The following TRIO variants were observed in gnomAD, a reference collection of about 807,000 sequenced individuals.
TRIO encodes triple functional domain protein.
TRIO carries 58 observed loss-of-function variants against 351.9 expected under a neutral mutation model. The observed-to-expected ratio is 0.16, with a 90% confidence interval of 0.13 to 0.21. The LOEUF is 0.21. Among genes scored for constraint, TRIO ranks in the 10% least tolerant of loss-of-function variants. The pLI, the probability that TRIO is intolerant of heterozygous loss-of-function variation, is 1.00. For synonymous variants in TRIO, 1,758 were observed against 1,595.7 expected, an observed-to-expected ratio of 1.10 and a Z score of -2.42; for missense variants, 3,201 against 4,027.8, an observed-to-expected ratio of 0.79 and a Z score of 5.56.
At chr5:14,443,250 C>A (rs991456881) in intron 34 of TRIO, among the ~76,000 whole-genome samples, 7 of 151,948 alleles carry the variant, frequency 4.6e-5, no homozygotes, top group African/African-American at 1.7e-4. Flanking sequence ...AATTGATGAC[C>A]CGTGTGGAAT....
At chr5:14,282,010 A>T (rs1419291164) in intron 3 of TRIO, among the ~76,000 whole-genome samples, 1 of 152,210 alleles carries the variant, frequency 6.6e-6, no homozygotes, top group Non-Finnish European at 1.5e-5. Flanking sequence ...GCTGTGGCTG[A>T]TGGCAATCAG....
chr5:14,474,820 G>A (rs770067977), intron 40 of TRIO, among the ~76,000 whole-genome samples: 7 of 152,080 alleles, frequency 4.6e-5, no homozygotes, highest in South Asian at 2.1e-4. Context: ...CTACAGGCAC[G>A]CAGCACCATG....
At chr5:14,202,346 T>G (rs1791188426) in intron 1 of TRIO, among the ~76,000 whole-genome samples, 1 of 143,002 alleles carries the variant, frequency 7.0e-6, no homozygotes, top group Non-Finnish European at 1.5e-5. Flanking sequence ...TCAGCTATCG[T>G]TAGTATTGGT....
At chr5:14,254,399 A>G (rs572496016) in intron 1 of TRIO, among the ~76,000 whole-genome samples, 1 of 152,304 alleles carries the variant, frequency 6.6e-6, no homozygotes, top group Non-Finnish European at 1.5e-5. Context: ...CTCAAACTCC[A>G]GGATCCTCAG....
intron 45 of TRIO, 153 bp downstream of exon 45, chr5:14,481,771 C>CTT (rs34046917): frequency 6.0e-3 from 1,130 of 188,566 alleles, no homozygotes; most frequent in South Asian, 0.012. Flanking sequence ...ATTTTATTTC[C>CTT]TTTTTTTTTT....
intron 1 of TRIO, among the ~76,000 whole-genome samples, chr5:14,269,097 A>G (rs1278251615): frequency 6.6e-6 from 1 of 152,208 alleles, no homozygotes; most frequent in African/African-American, 2.4e-5. Flanking sequence ...TGGAGGCCCC[A>G]GCTCGGTCAA....
intron 1 of TRIO, among the ~76,000 whole-genome samples, chr5:14,150,408 C>G (rs1787759331): frequency 6.6e-6 from 1 of 151,786 alleles, no homozygotes; most frequent in Non-Finnish European, 1.5e-5. Context: ...AATTCACAGA[C>G]CTTTACACAC....
intron 1 of TRIO, among the ~76,000 whole-genome samples, chr5:14,192,250 T>C (rs1581317755): frequency 6.6e-6 from 1 of 151,194 alleles, no homozygotes; most frequent in Admixed American, 6.6e-5. Flanking sequence ...TTCCCTTTTT[T>C]TTCCTTCTTC....
intron 17 of TRIO, 115 bp downstream of exon 17, chr5:14,369,014 A>G: frequency 7.6e-7 from 1 of 1,324,060 alleles, no homozygotes; most frequent in Non-Finnish European, 1.0e-6. Context: ...ATCAGTTGCC[A>G]GTCAAGCAGG....
chr5:14,426,227 TAC>T (rs3085553), intron 34 of TRIO, among the ~76,000 whole-genome samples: 81,351 of 151,906 alleles, frequency 0.54, 23,780 homozygotes, highest in East Asian at 0.9. Context: ...GACGCACATG[TAC>T]ACACACATGT....
intron 1 of TRIO, among the ~76,000 whole-genome samples, chr5:14,193,296 G>A (rs1790560882): frequency 6.6e-6 from 1 of 152,048 alleles, no homozygotes; most frequent in South Asian, 2.1e-4. Context: ...TTTGTTTTAG[G>A]AAAAACGTAC....
At chr5:14,460,790 C>T (rs1197481674) in intron 34 of TRIO, among the ~76,000 whole-genome samples, 3 of 152,292 alleles carry the variant, frequency 2.0e-5, no homozygotes, top group South Asian at 4.1e-4. Context: ...TTGGAGAGGA[C>T]AGTGCATCTT....
At chr5:14,268,289 C>T (rs899766732) in intron 1 of TRIO, among the ~76,000 whole-genome samples, 9 of 152,240 alleles carry the variant, frequency 5.9e-5, no homozygotes, top group African/African-American at 2.2e-4. Context: ...TGACAGCCCT[C>T]ACTTCCATCT....
intron 15 of TRIO, 105 bp downstream of exon 15, chr5:14,364,921 C>T: frequency 7.2e-7 from 1 of 1,382,534 alleles, no homozygotes; most frequent in South Asian, 1.5e-5. Flanking sequence ...ATTGTGCCTG[C>T]TCAGAACACA....
chr5:14,393,792 G>A (rs920588899), intron 27 of TRIO, among the ~76,000 whole-genome samples: 2 of 152,182 alleles, frequency 1.3e-5, no homozygotes, highest in African/African-American at 2.4e-5. Context: ...GGCATTAAAA[G>A]TGCAATTGAA....
At chr5:14,419,618 A>T (rs1414838562) in intron 33 of TRIO, among the ~76,000 whole-genome samples, 160 bp from the exon 34 acceptor site, 1 of 152,212 alleles carries the variant, frequency 6.6e-6, no homozygotes, top group Non-Finnish European at 1.5e-5. Flanking sequence ...ATGAAAAATC[A>T]TATTTTCATA....
chr5:14,356,324 AGT>A (rs1372267106), intron 11 of TRIO, among the ~76,000 whole-genome samples: 1 of 152,268 alleles, frequency 6.6e-6, no homozygotes, highest in Non-Finnish European at 1.5e-5. Flanking sequence ...ATCTGGTAAT[AGT>A]GTGTTTTTGA....
At chr5:14,330,099 A>G (rs1392267990) in intron 9 of TRIO, among the ~76,000 whole-genome samples, 4 of 152,236 alleles carry the variant, frequency 2.6e-5, no homozygotes, top group Non-Finnish European at 5.9e-5. Context: ...ATGAGACCCA[A>G]TGAACTACTC....
intron 1 of TRIO, among the ~76,000 whole-genome samples, chr5:14,161,406 G>A (rs16903243): frequency 0.024 from 3,589 of 152,194 alleles, 152 homozygotes; most frequent in African/African-American, 0.082. Context: ...AACTGCACTT[G>A]ACCATCCTGT....
Sources: allele counts gnomAD v4.1 joint callset (sites outside exome capture counted in the v4.1 genomes callset), GRCh38; gene constraint gnomAD v4.1.1; transcripts MANE v1.5; gene names NCBI Gene and HGNC (gene_info 2026-07-23, HGNC 2026-07-21).